FOCAD: variants seen among roughly 807,000 people sequenced by gnomAD.
FOCAD encodes KIAA1797.
Under a neutral mutation model 225.6 loss-of-function variants are expected in FOCAD, and 198 were observed. That is an observed-to-expected ratio of 0.88 (90% CI 0.78 to 0.99). The LOEUF (loss-of-function observed/expected upper bound fraction) is 0.99, where lower values mean the gene tolerates loss of function less well. FOCAD is among the 50% of genes least tolerant of loss of function. The pLI is 0.00. For missense variants in FOCAD, 2,713 were observed against 2,123.6 expected (o/e 1.28, Z -5.46); for synonymous variants, 897 against 755.0 (o/e 1.19, Z -3.08).
chr9:20,992,543 G>A lies in FOCAD; in HGVS notation c.5257-710G>A, dbSNP rs142742309. Among the ~76,000 whole-genome samples the A allele has an allele frequency of 5.8e-3, 876 of 152,236 alleles. 5 individuals carry two copies. The highest frequency in any genetic ancestry group is 0.012 in the South Asian group (58 of 4,826). On this transcript the variant is annotated intron_variant, in intron 42 of 43. Transcript: ENST00000338382. ...TGTACTTGGGTTCAAATCTTAACTC[G>A]GCTATACATTGAGGGTGGACTTGGG...
chr9:20,780,883 C>A (rs1457119662), intron 9 of FOCAD, among the ~76,000 whole-genome samples: 1 of 152,010 alleles, frequency 6.6e-6, no homozygotes. Context: ...GGTGTTTGTA[C>A]TTAATATCAT....
intron 18 of FOCAD, among the ~76,000 whole-genome samples, chr9:20,870,004 C>T (rs1829624267): frequency 6.6e-6 from 1 of 152,046 alleles, no homozygotes; most frequent in African/African-American, 2.4e-5. Flanking sequence ...TCTTCTTTAG[C>T]ACACCTCCCC....
At chr9:20,798,844 T>C (rs1405272540) in intron 11 of FOCAD, among the ~76,000 whole-genome samples, 1 of 152,206 alleles carries the variant, frequency 6.6e-6, no homozygotes, top group Non-Finnish European at 1.5e-5. Context: ...GTGTCTCTAT[T>C]TCCTTCAGTT....
intron 15 of FOCAD, among the ~76,000 whole-genome samples, chr9:20,832,430 T>A (rs1825591029): frequency 6.6e-6 from 1 of 151,976 alleles, no homozygotes. Context: ...ATATAGTAAG[T>A]ATATATATTT....
At chr9:20,861,318 G>T (rs1218110627) in intron 15 of FOCAD, among the ~76,000 whole-genome samples, 1 of 152,100 alleles carries the variant, frequency 6.6e-6, no homozygotes, top group East Asian at 1.9e-4. Flanking sequence ...GTATGCAGTT[G>T]TGCTGAATTG....
chr9:20,920,869 C>A (rs201666051), intron 24 of FOCAD, among the ~76,000 whole-genome samples: 1 of 150,092 alleles, frequency 6.7e-6, no homozygotes, highest in Non-Finnish European at 1.5e-5. Flanking sequence ...TGCTAAATGA[C>A]GAGTTAGTGG....
chr9:20,712,380 C>T (rs1824923968), intron 1 of FOCAD, among the ~76,000 whole-genome samples: 1 of 152,144 alleles, frequency 6.6e-6, no homozygotes, highest in South Asian at 2.1e-4. Context: ...GTTGCTCAAG[C>T]TGGGCATGGT....
intron 28 of FOCAD, among the ~76,000 whole-genome samples, chr9:20,939,550 TG>T (rs1359684361): frequency 6.6e-6 from 1 of 152,190 alleles, no homozygotes; most frequent in African/African-American, 2.4e-5. Flanking sequence ...GGGAGTACCA[TG>T]GGGATGAATT....
intron 5 of FOCAD, among the ~76,000 whole-genome samples, chr9:20,747,013 G>A (rs939124355): frequency 2.0e-5 from 3 of 152,190 alleles, no homozygotes; most frequent in Admixed American, 6.5e-5. Context: ...TGGCTACACA[G>A]TCGAGGTAGT....
At chr9:20,700,995 G>A (rs1823897788) in intron 1 of FOCAD, among the ~76,000 whole-genome samples, 1 of 152,136 alleles carries the variant, frequency 6.6e-6, no homozygotes. Flanking sequence ...TTCTTTACTG[G>A]CATCTGAGCA....
chr9:20,709,333 A>G (rs945414116), intron 1 of FOCAD, among the ~76,000 whole-genome samples: 12 of 152,256 alleles, frequency 7.9e-5, no homozygotes, highest in African/African-American at 2.6e-4. Context: ...TTTTTGTAGC[A>G]TGTGGTTTAT....
At position 20,851,959 on chromosome 9, in the gene FOCAD, C is replaced by G. The variant is rs546791172; in HGVS notation, c.1921-10619C>G. Among the ~76,000 whole-genome samples the G allele has an allele frequency of 4.6e-5, 7 of 151,806 alleles. No homozygotes were observed. In the East Asian group the frequency reaches 1.4e-3, roughly 29 times the overall value. ...GTAGTTGTAATAGTGACCATGTGGC[C>G]CTTGAAACCTAAAATATTAATTCTC... On this transcript the variant is annotated intron_variant, in intron 15 of 43. Transcript: ENST00000338382.
rs1441721344 is a variant in FOCAD, at chr9:20,937,674, G to A, written c.3407+4571G>A. On this transcript the variant is annotated intron_variant, in intron 28 of 43. Coordinates refer to ENST00000338382, the MANE Select transcript of FOCAD (RefSeq NM_001375567.1). The stretch of plus-strand genomic sequence containing the variant: ...CATTCAGGACATAGGCATGGGCAAG[G>A]ACTGCATGTCTAAAACACCAAAAGC... 6.6e-5 allele frequency among the ~76,000 whole-genome samples: 10 copies of A among 152,126 alleles called. No individual in the cohort carries two copies. In the East Asian group the frequency reaches 1.5e-3, roughly 23 times the overall value.
At chr9:20,952,930 C>T in intron 34 of FOCAD, 55 bp from the exon 35 acceptor site, 1 of 1,383,070 alleles carries the variant, frequency 7.2e-7, no homozygotes, top group Admixed American at 1.7e-5. Flanking sequence ...ATTATCTTTC[C>T]TTCATTAGTC....
At chr9:20,940,511 C>T (rs1836539790) in intron 28 of FOCAD, among the ~76,000 whole-genome samples, 1 of 152,072 alleles carries the variant, frequency 6.6e-6, no homozygotes, top group Admixed American at 6.6e-5. Context: ...TGTTGAACTC[C>T]TGGCCTCGAG....
chr9:20,734,663 T>C (rs960615675), intron 4 of FOCAD, among the ~76,000 whole-genome samples: 3 of 152,128 alleles, frequency 2.0e-5, no homozygotes, highest in Admixed American at 1.3e-4. Flanking sequence ...TTTTTCTTTT[T>C]TGAGGTGATC....
intron 30 of FOCAD, 38 bp downstream of exon 30, chr9:20,946,858 C>T: frequency 6.2e-7 from 1 of 1,606,916 alleles, no homozygotes. Context: ...CTCTGTGGGT[C>T]TCATGCTGCT....
rs539899898 is a variant in FOCAD at position 20,811,202 on chromosome 9, A to G, written c.1456-8594A>G. 3.3e-5 allele frequency among the ~76,000 whole-genome samples: 5 copies of G among 152,168 alleles called. No individual in the cohort carries two copies. In the South Asian group the frequency reaches 1.0e-3, roughly 32 times the overall value. On this transcript the variant is annotated intron_variant, in intron 11 of 43. Coordinates refer to ENST00000338382, the MANE Select transcript of FOCAD (RefSeq NM_001375567.1). Reference sequence around the variant, plus strand: ...CAGTGTGCTGGGAACGAGGGACACAAAGGTCTATGAGATGTCATCCCTGTC... The same window carrying G: ...CAGTGTGCTGGGAACGAGGGACACAGAGGTCTATGAGATGTCATCCCTGTC...
chr9:20,937,445 C>T (rs1319228504), intron 28 of FOCAD, among the ~76,000 whole-genome samples: 4 of 152,090 alleles, frequency 2.6e-5, no homozygotes, highest in Admixed American at 6.5e-5. Context: ...ACCATCTGAT[C>T]TTTGACAAAG....
Sources: gnomAD v4.1 joint callset for allele counts (sites outside exome capture counted in the v4.1 genomes callset) on GRCh38, gnomAD v4.1.1 for gene constraint, MANE v1.5 for transcripts, NCBI Gene and HGNC (gene_info 2026-07-23, HGNC 2026-07-21) for gene names.